The following DCDC1 variants were observed in gnomAD, a reference collection of about 807,000 sequenced individuals.
DCDC1 encodes the protein doublecortin domain containing 1.
Under a neutral mutation model 178.3 loss-of-function variants are expected in DCDC1, and 200 were observed. The ratio of observed to expected loss-of-function variants is 1.12; its 90% CI spans 1.00 to 1.26. The LOEUF is 1.26. Among genes scored for constraint, DCDC1 ranks in the 50% most tolerant of loss-of-function variants. The probability of loss-of-function intolerance (pLI) is 0.00; values close to 1 mark genes in which losing one functional copy is unlikely to be tolerated. For synonymous variants in DCDC1, 690 were observed against 604.8 expected, an observed-to-expected ratio of 1.14 and a Z score of -2.07; for missense variants, 1,983 against 1,749.2, an observed-to-expected ratio of 1.13 and a Z score of -2.38.
At chr11:30,974,246 G>T (rs1949979689) in intron 20 of DCDC1, among the ~76,000 whole-genome samples, 1 of 147,436 alleles carries the variant, frequency 6.8e-6, no homozygotes, top group Non-Finnish European at 1.5e-5. Context: ...TGCTAAGAGG[G>T]AAATTTATGG....
chr11:31,019,299 C>T (rs551325170), intron 20 of DCDC1, among the ~76,000 whole-genome samples: 51 of 152,252 alleles, frequency 3.3e-4, no homozygotes, highest in African/African-American at 1.2e-3. Flanking sequence ...GATGGAAAGA[C>T]TTAAAGATGA....
intron 9 of DCDC1, among the ~76,000 whole-genome samples, chr11:31,139,978 T>A (rs1963618159): frequency 6.6e-6 from 1 of 152,180 alleles, no homozygotes; most frequent in Non-Finnish European, 1.5e-5. Flanking sequence ...AAAAGATACA[T>A]TTTAATGAAA....
chr11:31,037,600 T>A (rs1422242866), intron 20 of DCDC1, among the ~76,000 whole-genome samples: 1 of 151,842 alleles, frequency 6.6e-6, no homozygotes, highest in Non-Finnish European at 1.5e-5. Flanking sequence ...TTTTTTGTAT[T>A]TTTACAAAAT....
intron 21 of DCDC1, among the ~76,000 whole-genome samples, chr11:30,945,697 AATCTATCTATCT>A (rs57930562): frequency 0.055 from 8,072 of 146,684 alleles, 277 homozygotes; most frequent in East Asian, 0.12. Flanking sequence ...CCATCTCAAA[AATCTATCTATCT>A]ATCTATCTAT....
At chr11:31,281,804 T>A (rs1565544392) in intron 7 of DCDC1, among the ~76,000 whole-genome samples, 1 of 152,178 alleles carries the variant, frequency 6.6e-6, no homozygotes, top group African/African-American at 2.4e-5. Flanking sequence ...TGAGACGTGC[T>A]GTTTGCCTTC....
At chr11:31,261,894 C>A (rs1944812183) in intron 8 of DCDC1, among the ~76,000 whole-genome samples, 4 of 152,008 alleles carry the variant, frequency 2.6e-5, no homozygotes. Context: ...TTATTAAAAT[C>A]ATCTTCTGTG....
intron 7 of DCDC1, among the ~76,000 whole-genome samples, chr11:31,269,918 G>T (rs1304049963): frequency 1.3e-5 from 2 of 152,196 alleles, no homozygotes; most frequent in Non-Finnish European, 2.9e-5. Flanking sequence ...CACTACTTCA[G>T]TTCAGATGAG....
intron 9 of DCDC1, among the ~76,000 whole-genome samples, chr11:31,191,874 C>G (rs1970173677): frequency 6.6e-6 from 1 of 151,954 alleles, no homozygotes; most frequent in Non-Finnish European, 1.5e-5. Context: ...CTCTATTCCA[C>G]CTCTCCAGTA....
At chr11:31,313,233 A>AT (rs2137676196) in intron 3 of DCDC1, among the ~76,000 whole-genome samples, 1 of 152,242 alleles carries the variant, frequency 6.6e-6, no homozygotes, top group Non-Finnish European at 1.5e-5. Context: ...TAAGTTACAC[A>AT]TTTGCTTAAC....
At position 31,009,467 on chromosome 11, in the gene DCDC1, T is replaced by TGC. The variant is rs1051869995; in HGVS notation, c.2591+55001_2591+55002insGC. 5.3e-5 allele frequency among the ~76,000 whole-genome samples: 8 copies of TGC among 151,876 alleles called. No individual in the cohort carries two copies. The East Asian group carries it at 1.6e-3, about 29-fold the overall frequency. On this transcript the variant is annotated intron_variant, in intron 20 of 38. Transcript: ENST00000684477. ...GTGTGTGTGTGTGTGTGTGTGTGTGTGTGTGTAAAATAAGGTATTGGCTCA... is the reference window on the plus strand; with the variant it reads ...GTGTGTGTGTGTGTGTGTGTGTGTGTGCGTGTGTAAAATAAGGTATTGGCTCA...
chr11:31,298,430 G>T (rs975753402), intron 6 of DCDC1, among the ~76,000 whole-genome samples: 1 of 152,112 alleles, frequency 6.6e-6, no homozygotes, highest in African/African-American at 2.4e-5. Flanking sequence ...TGCAGGTGGT[G>T]ACTGGACTCT....
intron 7 of DCDC1, 114 bp downstream of exon 7, chr11:31,290,533 C>G: frequency 8.6e-7 from 1 of 1,159,508 alleles, no homozygotes; most frequent in Non-Finnish European, 1.2e-6. Context: ...TATATAATGT[C>G]TTGTTAATAT....
chr11:31,215,106 A>G, intron 9 of DCDC1: 1 of 226,208 alleles, frequency 4.4e-6, no homozygotes, highest in South Asian at 5.0e-5. Context: ...AACTTATCTA[A>G]AGCAAATTCA....
chr11:30,886,325 A>G (rs1294057449), intron 36 of DCDC1, among the ~76,000 whole-genome samples: 1 of 152,180 alleles, frequency 6.6e-6, no homozygotes, highest in African/African-American at 2.4e-5. Flanking sequence ...TTTCAAAAAG[A>G]GATTGCAGTA....
intron 20 of DCDC1, among the ~76,000 whole-genome samples, chr11:30,964,751 T>G (rs1267680363): frequency 6.6e-6 from 1 of 152,150 alleles, no homozygotes; most frequent in Non-Finnish European, 1.5e-5. Context: ...TTCAAGAATG[T>G]GGTTTCTTCC....
intron 34 of DCDC1, among the ~76,000 whole-genome samples, chr11:30,895,206 G>T (rs1272350796): frequency 1.3e-5 from 2 of 152,174 alleles, no homozygotes; most frequent in Non-Finnish European, 2.9e-5. Flanking sequence ...ACAGCTATGG[G>T]TGAGGTGTTG....
At chr11:31,349,605 A>T (rs1950975481) in intron 1 of DCDC1, among the ~76,000 whole-genome samples, 1 of 152,210 alleles carries the variant, frequency 6.6e-6, no homozygotes, top group African/African-American at 2.4e-5. Flanking sequence ...ATATTTAAAA[A>T]TCTATTCTTG....
At chr11:31,165,509 C>G (rs1966697418) in intron 9 of DCDC1, among the ~76,000 whole-genome samples, 1 of 152,150 alleles carries the variant, frequency 6.6e-6, no homozygotes, top group Non-Finnish European at 1.5e-5. Context: ...CAGGGTCTCA[C>G]TATGTTACTC....
rs1940800275 is a variant in DCDC1, at chr11:30,863,716, A to C, written c.*1657T>G. ...GTATTTAGAAATCATCCATTTGAGA[A>C]GTCCAGATTACGTATCCCCCACACC... is the stretch of plus-strand genomic sequence containing the variant. On this transcript the variant is annotated 3_prime_UTR_variant, in exon 39 of 39. Transcript: ENST00000684477. 1 of 152,256 alleles carries C rather than the reference A, an allele frequency of 6.6e-6. No individual in the cohort carries two copies. Among genetic ancestry groups the C allele is most frequent in the African/African-American group, 2.4e-5 (1 of 41,472 alleles). The allele number at this position is 152,256 out of a possible 1,614,324, so 9.4% of individuals were successfully genotyped here.
Sources: gnomAD v4.1 joint callset for allele counts (sites outside exome capture counted in the v4.1 genomes callset) on GRCh38, gnomAD v4.1.1 for gene constraint, MANE v1.5 for transcripts, NCBI Gene and HGNC (gene_info 2026-07-23, HGNC 2026-07-21) for gene names.